C8orf34: variants seen among roughly 807,000 people sequenced by gnomAD.
C8orf34 encodes chromosome 8 open reading frame 34.
C8orf34 carries 65 observed loss-of-function variants against 68.3 expected under a neutral mutation model. The observed-to-expected ratio is 0.95, with a 90% confidence interval of 0.78 to 1.17. The LOEUF (loss-of-function observed/expected upper bound fraction) is 1.17, where lower values mean the gene tolerates loss of function less well. Ranked by LOEUF, C8orf34 falls within the 50% of genes most tolerant of loss-of-function variation. C8orf34 has a pLI of 0.00. For missense variants in C8orf34, 664 were observed against 655.4 expected, an observed-to-expected ratio of 1.01 and a Z score of -0.14; for synonymous variants, 244 against 241.2, an observed-to-expected ratio of 1.01 and a Z score of -0.11.
intron 1 of C8orf34, among the ~76,000 whole-genome samples, chr8:68,401,999 T>C (rs1042825056): frequency 5.3e-5 from 8 of 152,000 alleles, no homozygotes; most frequent in African/African-American, 1.9e-4. Context: ...ATTAGCTATT[T>C]GTAGGTTTGG....
chr8:68,537,895 T>G (rs2129895108), intron 7 of C8orf34, among the ~76,000 whole-genome samples: 1 of 152,292 alleles, frequency 6.6e-6, no homozygotes, highest in Non-Finnish European at 1.5e-5. Context: ...TACATCATCC[T>G]ATGTGATTTA....
At chr8:68,338,061 A>G (rs769183560) in intron 1 of C8orf34, among the ~76,000 whole-genome samples, 2 of 152,156 alleles carry the variant, frequency 1.3e-5, no homozygotes, top group East Asian at 1.9e-4. Context: ...TTCTGCTGCT[A>G]TTACACAATG....
intron 12 of C8orf34, among the ~76,000 whole-genome samples, chr8:68,789,755 C>T (rs73270257): frequency 0.15 from 22,622 of 151,684 alleles, 2,379 homozygotes; most frequent in East Asian, 0.47. Context: ...ATCAGGACAG[C>T]TAGAAATTAA....
chr8:68,505,334 G>C (rs1813961249), intron 5 of C8orf34, among the ~76,000 whole-genome samples: 1 of 152,064 alleles, frequency 6.6e-6, no homozygotes, highest in East Asian at 1.9e-4. Context: ...CTTGAATTTT[G>C]TATCATTCTT....
At chr8:68,462,305 C>T (rs1000516449) in intron 3 of C8orf34, among the ~76,000 whole-genome samples, 9 of 152,150 alleles carry the variant, frequency 5.9e-5, no homozygotes, top group African/African-American at 1.9e-4. Flanking sequence ...TCCTGAATGA[C>T]CTACAAAGGG....
At chr8:68,502,256 G>C (rs1813811205) in intron 5 of C8orf34, among the ~76,000 whole-genome samples, 1 of 152,078 alleles carries the variant, frequency 6.6e-6, no homozygotes, top group Admixed American at 6.6e-5. Flanking sequence ...AGTAGAGATG[G>C]GGTTTCACCA....
chr8:68,493,697 G>A (rs551470060), intron 5 of C8orf34, among the ~76,000 whole-genome samples: 24 of 152,258 alleles, frequency 1.6e-4, no homozygotes, highest in African/African-American at 5.3e-4. Flanking sequence ...TCTTTAGGAG[G>A]CGATTAGGCC....
chr8:68,464,859 C>T (rs1378853150), intron 3 of C8orf34, among the ~76,000 whole-genome samples: 2 of 151,930 alleles, frequency 1.3e-5, no homozygotes, highest in African/African-American at 2.4e-5. Context: ...AGAAGAAAAC[C>T]TAGGCAATAC....
chr8:68,350,551 A>G (rs532513536), intron 1 of C8orf34, among the ~76,000 whole-genome samples: 104 of 152,026 alleles, frequency 6.8e-4, no homozygotes, highest in African/African-American at 2.3e-3. Flanking sequence ...TCCCACTATT[A>G]TTGTGTGGGA....
intron 6 of C8orf34, among the ~76,000 whole-genome samples, chr8:68,523,406 A>C (rs928775756): frequency 2.6e-5 from 4 of 152,154 alleles, no homozygotes; most frequent in Non-Finnish European, 4.4e-5. Flanking sequence ...TTCCCACCTG[A>C]ATACTCAATA....
At chr8:68,563,788 A>T (rs1203185036) in intron 7 of C8orf34, among the ~76,000 whole-genome samples, 1 of 152,198 alleles carries the variant, frequency 6.6e-6, no homozygotes, top group East Asian at 1.9e-4. Flanking sequence ...GAGGAAAGAG[A>T]TATATAATCG....
At chr8:68,355,252 A>C (rs750462466) in intron 1 of C8orf34, among the ~76,000 whole-genome samples, 1 of 152,100 alleles carries the variant, frequency 6.6e-6, no homozygotes, top group Non-Finnish European at 1.5e-5. Flanking sequence ...CACCAAACAC[A>C]CACACAACAA....
intron 8 of C8orf34, among the ~76,000 whole-genome samples, chr8:68,694,402 C>T (rs1820769213): frequency 6.6e-6 from 1 of 151,952 alleles, no homozygotes; most frequent in African/African-American, 2.4e-5. Context: ...TAGAAATTGC[C>T]ATGACAGAAA....
chr8:68,754,595 G>A (rs1477849896), intron 10 of C8orf34, among the ~76,000 whole-genome samples: 2 of 152,212 alleles, frequency 1.3e-5, no homozygotes, highest in African/African-American at 4.8e-5. Flanking sequence ...GGCTGTCCCA[G>A]CCACAGTGAA....
chr8:68,419,442 T>C (rs1386104839), intron 1 of C8orf34, among the ~76,000 whole-genome samples: 3 of 150,624 alleles, frequency 2.0e-5, no homozygotes, highest in Admixed American at 1.3e-4. Context: ...GATCTAGAAC[T>C]AGAAATACCA....
chr8:68,535,299 A>G (rs899007351), intron 7 of C8orf34: 10 of 981,672 alleles, frequency 1.0e-5, no homozygotes, highest in Non-Finnish European at 1.2e-5. Flanking sequence ...TTTTGAATCT[A>G]CATTTTGTAG....
chr8:68,475,110 T>A (rs1039456047), intron 4 of C8orf34, among the ~76,000 whole-genome samples: 2 of 152,164 alleles, frequency 1.3e-5, no homozygotes, highest in Non-Finnish European at 2.9e-5. Context: ...CCCCTTTCCA[T>A]GCTTTTGCTT....
intron 1 of C8orf34, among the ~76,000 whole-genome samples, chr8:68,373,541 C>T (rs1000505322): frequency 6.6e-6 from 1 of 152,182 alleles, no homozygotes; most frequent in Non-Finnish European, 1.5e-5. Context: ...GGGTTTATTT[C>T]TCATCCTCTG....
At chr8:68,394,326 A>T (rs1177366635) in intron 1 of C8orf34, among the ~76,000 whole-genome samples, 1 of 145,256 alleles carries the variant, frequency 6.9e-6, no homozygotes, top group Non-Finnish European at 1.5e-5. Flanking sequence ...CCTGTGAGTG[A>T]GAATATGCGG....
Sources: allele counts gnomAD v4.1 joint callset (sites outside exome capture counted in the v4.1 genomes callset), GRCh38; gene constraint gnomAD v4.1.1; transcripts MANE v1.5; gene names NCBI Gene and HGNC (gene_info 2026-07-23, HGNC 2026-07-21).